MYOM2: variants seen among roughly 807,000 people sequenced by gnomAD.
MYOM2 encodes the protein myomesin 2.
MYOM2 carries 254 observed loss-of-function variants against 187.6 expected under a neutral mutation model. The observed-to-expected ratio is 1.35, with a 90% confidence interval of 1.22 to 1.50. The LOEUF (loss-of-function observed/expected upper bound fraction) is 1.50, where lower values mean the gene tolerates loss of function less well. Among genes scored for constraint, MYOM2 ranks in the 40% most tolerant of loss-of-function variants. The pLI, the probability that MYOM2 is intolerant of heterozygous loss-of-function variation, is 0.00. For synonymous variants in MYOM2, 981 were observed against 753.8 expected (o/e 1.30, Z -4.94); for missense variants, 2,796 against 1,924.0 (o/e 1.45, Z -8.48).
chr8:2,059,092 A>T (rs1818767222), intron 5 of MYOM2, 61 bp from the exon 6 acceptor site: 2 of 1,445,710 alleles, frequency 1.4e-6, no homozygotes, highest in African/African-American at 1.4e-5. Context: ...GCTGGGGCAG[A>T]ATTGCACACA....
rs778160659 is a variant in MYOM2 at position 2,096,322 on chromosome 8, C to T, written c.2201C>T (p.Pro734Leu). ...GHSMTLGWKV[P>L]KFSGGSPILG... The stretch of plus-strand genomic sequence containing the variant: ...TCCATGACCCTCGGCTGGAAGGTCC[C>T]GAAATTCAGTGGTGGCTCGCCCATC... Residue 734 changes from proline to leucine, a missense_variant, in exon 18 of 37, where the codon CCG (proline) becomes CTG (leucine). Pro to Leu is a moderately conservative substitution (Grantham distance 98). Transcript: ENST00000262113. 6.2e-6 allele frequency: 10 copies of T among 1,614,060 alleles called. No homozygotes were observed. The highest frequency in any genetic ancestry group is 2.2e-5 in the East Asian group (1 of 44,886).
chr8:2,078,695 T>C, intron 11 of MYOM2, 39 bp from the exon 12 acceptor site: 1 of 1,597,936 alleles, frequency 6.3e-7, no homozygotes, highest in Non-Finnish European at 8.6e-7. Flanking sequence ...GGTTGCCACA[T>C]TTGCTATTCT....
At chr8:2,076,469 C>A in intron 11 of MYOM2, 187 bp downstream of exon 11, 2 of 712,784 alleles carry the variant, frequency 2.8e-6, no homozygotes, top group Non-Finnish European at 4.4e-6. Context: ...GTAGGCTGAG[C>A]CCAGCATAAC....
At chr8:2,133,964 C>T (rs924316304) in intron 32 of MYOM2, among the ~76,000 whole-genome samples, 4 of 151,106 alleles carry the variant, frequency 2.6e-5, no homozygotes, top group South Asian at 2.1e-4. Context: ...CTGAGGTTAA[C>T]GTCTTCTGTA....
intron 32 of MYOM2, among the ~76,000 whole-genome samples, chr8:2,133,191 C>T (rs1797936757): frequency 6.6e-6 from 1 of 152,214 alleles, no homozygotes; most frequent in Non-Finnish European, 1.5e-5. Flanking sequence ...AAGGTCCCCT[C>T]AGGCTGTCCC....
intron 10 of MYOM2, among the ~76,000 whole-genome samples, chr8:2,075,199 G>A (rs1330028983): frequency 2.0e-5 from 3 of 152,178 alleles, no homozygotes; most frequent in Non-Finnish European, 4.4e-5. Flanking sequence ...AGTCTGTGAG[G>A]TTAGACACTC....
chr8:2,106,749 T>G (rs1242223631), intron 23 of MYOM2, 152 bp downstream of exon 23: 5 of 595,036 alleles, frequency 8.4e-6, no homozygotes, highest in Non-Finnish European at 1.2e-5. Flanking sequence ...CAAAACTTGC[T>G]TTAGAAATTA....
At chr8:2,050,622 T>G (rs926534794) in intron 1 of MYOM2, 133 bp from the exon 2 acceptor site, 4 of 534,528 alleles carry the variant, frequency 7.5e-6, no homozygotes, top group African/African-American at 5.7e-5. Flanking sequence ...GGCCATGTAA[T>G]CTTTCATTTT....
chr8:2,138,400 C>T (rs1051309511), intron 32 of MYOM2, among the ~76,000 whole-genome samples: 11 of 152,170 alleles, frequency 7.2e-5, no homozygotes, highest in Admixed American at 5.2e-4. Context: ...GGTCAGCCTT[C>T]GTGAGGCTCC....
chr8:2,135,136 T>A (rs1183981157), intron 32 of MYOM2, among the ~76,000 whole-genome samples: 1 of 152,186 alleles, frequency 6.6e-6, no homozygotes, highest in Non-Finnish European at 1.5e-5. Context: ...TTGTTGTTGT[T>A]TTTTGTTTTG....
At chr8:2,057,251 C>T in intron 3 of MYOM2, 97 bp from the exon 4 acceptor site, 1 of 1,417,776 alleles carries the variant, frequency 7.1e-7, no homozygotes, top group Non-Finnish European at 9.5e-7. Context: ...CTTAAGGAAA[C>T]CCTAGGGAGA....
At chr8:2,085,459 TGGCCCACCGC>T in intron 14 of MYOM2, 69 bp downstream of exon 14, 1 of 1,548,174 alleles carries the variant, frequency 6.5e-7, no homozygotes, top group Non-Finnish European at 8.7e-7. Context: ...GATCTCTGCG[TGGCCCACCGC>T]TGTCGTGATC....
At chr8:2,060,434 G>A (rs1282142786) in intron 6 of MYOM2, among the ~76,000 whole-genome samples, 2 of 152,150 alleles carry the variant, frequency 1.3e-5, no homozygotes, top group Non-Finnish European at 2.9e-5. Flanking sequence ...TATATAACGG[G>A]AGGTGTGGGG....
At chr8:2,068,772 A>T (rs906858024) in intron 6 of MYOM2, among the ~76,000 whole-genome samples, 1 of 152,116 alleles carries the variant, frequency 6.6e-6, no homozygotes, top group Non-Finnish European at 1.5e-5. Flanking sequence ...CCCCCCCGCC[A>T]TGGTTCAGGG....
chr8:2,073,234 C>A, intron 9 of MYOM2, 105 bp from the exon 10 acceptor site: 2 of 1,284,378 alleles, frequency 1.6e-6, no homozygotes, highest in Non-Finnish European at 2.1e-6. Context: ...TGGTGTCCAG[C>A]TCGACTGTCC....
chr8:2,081,900 G>C (rs796751060), intron 13 of MYOM2: 39 of 152,330 alleles, frequency 2.6e-4, no homozygotes, highest in African/African-American at 9.1e-4. Context: ...CCATGGTCTC[G>C]TGTTTTCCTT....
rs1563087431 is a variant in MYOM2 at position 2,143,428 on chromosome 8, C to G, written c.4052C>G (p.Pro1351Arg). ...KNRGRLIGGL[P>R]DVVTIMEGKT... is the part of the protein sequence containing the mutation. ...CGTGGCAGGTTGATCGGCGGCTTGC[C>G]TGACGTGGTGACCATCATGGAAGGG... Residue 1351 changes from proline (P) to arginine (R), a missense_variant, in exon 36 of 37, where the codon CCT becomes CGT. Pro to Arg is a moderately radical substitution (Grantham distance 103, BLOSUM62 -2). Transcript: ENST00000262113. 1 of 1,613,994 alleles carries G rather than the reference C, an allele frequency of 6.2e-7. No homozygotes were observed. The highest frequency in any genetic ancestry group is 8.5e-7 in the Non-Finnish European group (1 of 1,180,050).
chr8:2,094,784 G>A (rs1035334816), intron 17 of MYOM2, among the ~76,000 whole-genome samples: 2 of 152,192 alleles, frequency 1.3e-5, no homozygotes, highest in Admixed American at 1.3e-4. Flanking sequence ...TCATATTTAT[G>A]TAACTTTGAG....
chr8:2,130,912 A>G (rs1797841283), intron 32 of MYOM2, among the ~76,000 whole-genome samples: 1 of 152,252 alleles, frequency 6.6e-6, no homozygotes, highest in Admixed American at 6.5e-5. Flanking sequence ...GAAAAGGAGA[A>G]TTAATCATCA....
Sources: gnomAD v4.1 joint callset for allele counts (sites outside exome capture counted in the v4.1 genomes callset) on GRCh38, gnomAD v4.1.1 for gene constraint, MANE v1.5 for transcripts, NCBI Gene and HGNC (gene_info 2026-07-23, HGNC 2026-07-21) for gene names.